The following USP32 variants were observed in gnomAD, a reference collection of about 807,000 sequenced individuals.
USP32 encodes the protein ubiquitin carboxyl-terminal hydrolase 32.
In USP32, 59 loss-of-function variants were observed where a neutral mutation model predicts 204.8. The observed-to-expected ratio is 0.29, with a 90% CI of 0.23 to 0.36. USP32 has a LOEUF of 0.36. USP32 is among the 10% of genes least tolerant of loss of function. USP32 has a pLI of 1.00. For synonymous variants in USP32, 517 were observed against 678.4 expected (o/e 0.76, Z 3.70); for missense variants, 1,160 against 1,946.4 (o/e 0.60, Z 7.60).
intron 2 of USP32, among the ~76,000 whole-genome samples, chr17:60,327,949 C>CAAG (rs1212288275): frequency 6.6e-6 from 1 of 152,246 alleles, no homozygotes; most frequent in Non-Finnish European, 1.5e-5. Context: ...ATGGGGGAAT[C>CAAG]AAGGGGAGAT....
In USP32 at chr17:60,344,458, T is replaced by A. The variant is rs542583155; in HGVS notation, c.186+1023A>T. ...TTTTATTATCTTATAAAATTTATTCTTTTTTTCTTTTGAGACAGGGTCTCA... is the reference window on the plus strand; with the variant it reads ...TTTTATTATCTTATAAAATTTATTCATTTTTTCTTTTGAGACAGGGTCTCA... On this transcript the variant is annotated intron_variant, in intron 2 of 33. Coordinates refer to ENST00000300896, the MANE Select transcript of USP32 (RefSeq NM_032582.4). Among the ~76,000 whole-genome samples the A allele has an allele frequency of 2.0e-5, 3 of 152,208 alleles. No individual in the cohort carries two copies. In the East Asian group the frequency reaches 5.8e-4, roughly 29 times the overall value.
chr17:60,201,336 T>G (rs1287188391), intron 26 of USP32, among the ~76,000 whole-genome samples: 1 of 152,328 alleles, frequency 6.6e-6, no homozygotes, highest in South Asian at 2.1e-4. Context: ...ATTTTGGGGC[T>G]ACTATAGATA....
chr17:60,195,484 C>T (rs769214208), intron 27 of USP32, among the ~76,000 whole-genome samples: 1 of 152,124 alleles, frequency 6.6e-6, no homozygotes, highest in Non-Finnish European at 1.5e-5. Flanking sequence ...ATTACAGGCA[C>T]GTACCACCAT....
At chr17:60,366,797 A>G (rs2089324102) in intron 1 of USP32, among the ~76,000 whole-genome samples, 1 of 151,624 alleles carries the variant, frequency 6.6e-6, no homozygotes, top group South Asian at 2.1e-4. Flanking sequence ...ACACGCTATT[A>G]CTAAAGTATA....
At chr17:60,416,127 T>A (rs1319701800) in intron 1 of USP32, among the ~76,000 whole-genome samples, 1 of 152,108 alleles carries the variant, frequency 6.6e-6, no homozygotes, top group African/African-American at 2.4e-5. Context: ...TGTGACCCAC[T>A]GCGCCTGGCT....
intron 2 of USP32, among the ~76,000 whole-genome samples, chr17:60,334,595 G>A (rs897971564): frequency 1.4e-5 from 2 of 146,292 alleles, no homozygotes; most frequent in Non-Finnish European, 2.9e-5. Context: ...GGGAGGCTGA[G>A]GCAGGAGAAT....
intron 1 of USP32, among the ~76,000 whole-genome samples, chr17:60,368,992 T>C (rs1484851960): frequency 9.6e-6 from 1 of 104,506 alleles, no homozygotes; most frequent in Non-Finnish European, 1.7e-5. Context: ...TTTTAAAAGA[T>C]TTTTTTTTTT....
In USP32 at chr17:60,177,976, C is replaced by T. The variant is rs1447519693; in HGVS notation, c.*1279G>A. 6.6e-6 allele frequency among the ~76,000 whole-genome samples: 1 copy of T among 151,824 alleles called. No individual in the cohort carries two copies. Among genetic ancestry groups the T allele is most frequent in the Non-Finnish European group, 1.5e-5 (1 of 67,978 alleles). ...ATTAAAAAACTACACGAAAAAAATGCTACCTGAAATAAATAATATTTATAC... is the reference window on the plus strand; with the variant it reads ...ATTAAAAAACTACACGAAAAAAATGTTACCTGAAATAAATAATATTTATAC... On this transcript the variant is annotated 3_prime_UTR_variant, in exon 34 of 34. Transcript: ENST00000300896.
intron 14 of USP32, among the ~76,000 whole-genome samples, chr17:60,222,812 T>G (rs6503950): frequency 0.22 from 33,302 of 150,818 alleles, 9,209 homozygotes; most frequent in African/African-American, 0.65. Flanking sequence ...CTCCCGAGTA[T>G]CTGGGATTAC....
chr17:60,256,394 G>A (rs141145808), intron 9 of USP32, among the ~76,000 whole-genome samples: 1 of 152,092 alleles, frequency 6.6e-6, no homozygotes, highest in East Asian at 1.9e-4. Flanking sequence ...AAATTGTCCT[G>A]TTCACTTACA....
intron 31 of USP32, among the ~76,000 whole-genome samples, chr17:60,182,931 T>A (rs983164532): frequency 6.6e-6 from 1 of 152,214 alleles, no homozygotes; most frequent in Non-Finnish European, 1.5e-5. Context: ...TTACTCTCCA[T>A]GTGTCACTCT....
intron 1 of USP32, among the ~76,000 whole-genome samples, chr17:60,388,982 C>A (rs978609224): frequency 2.0e-5 from 3 of 152,062 alleles, no homozygotes; most frequent in African/African-American, 7.2e-5. Flanking sequence ...GTAATATATG[C>A]CTATTTTTTT....
At chr17:60,203,060 C>G (rs2084720071) in intron 26 of USP32, among the ~76,000 whole-genome samples, 1 of 148,162 alleles carries the variant, frequency 6.7e-6, no homozygotes, top group Non-Finnish European at 1.5e-5. Flanking sequence ...GGAGGAAGCC[C>G]CCACCCTACA....
At chr17:60,184,479 A>G (rs2084196935) in intron 30 of USP32, among the ~76,000 whole-genome samples, 1 of 152,254 alleles carries the variant, frequency 6.6e-6, no homozygotes, top group Admixed American at 6.5e-5. Flanking sequence ...ACCTACATTC[A>G]GCTTCACAGA....
Position 60,222,432 on chromosome 17 carries a change from C to T in USP32, c.1726G>A (p.Ala576Thr), listed in dbSNP as rs533633776. 6.8e-6 allele frequency: 11 copies of T among 1,614,062 alleles called. No individual in the cohort carries two copies. In the South Asian group the frequency reaches 9.9e-5, roughly 14 times the overall value. Reference protein sequence around the residue: ...VWRALYHWYGANLALPRPVIK... With the variant: ...VWRALYHWYGTNLALPRPVIK... ...ACTGGTCTAGGTAAGGCCAGGTTTG[C>T]TCCATACCAGTGATAAAGTGCTCTC... The change falls in exon 15 of 34, where the codon GCA becomes ACA. Residue 576 changes from alanine (A) to threonine (T), a missense_variant. Physicochemically the swap from Ala to Thr is moderately conservative, Grantham distance 58. Around this residue, in one of 8 missense-constraint regions of USP32, gnomAD observed 37 missense variants for 62.6 expected, o/e 0.59. Coordinates refer to ENST00000300896, the MANE Select transcript of USP32 (RefSeq NM_032582.4).
intron 16 of USP32, among the ~76,000 whole-genome samples, chr17:60,216,296 A>G (rs1191359514): frequency 6.6e-6 from 1 of 151,644 alleles, no homozygotes; most frequent in Non-Finnish European, 1.5e-5. Flanking sequence ...GGTGGCAAAA[A>G]AAAAAAAAAA....
chr17:60,182,158 C>T (rs2084127962), intron 31 of USP32, among the ~76,000 whole-genome samples: 1 of 152,216 alleles, frequency 6.6e-6, no homozygotes. Context: ...GAATTTGTTG[C>T]TGTCCATTGT....
At chr17:60,199,104 A>C (rs2084604619) in intron 26 of USP32, among the ~76,000 whole-genome samples, 1 of 150,952 alleles carries the variant, frequency 6.6e-6, no homozygotes, top group African/African-American at 2.4e-5. Flanking sequence ...AGGTAGAGTG[A>C]GACCTGTCTC....
intron 30 of USP32, among the ~76,000 whole-genome samples, chr17:60,185,188 C>T (rs899060163): frequency 6.6e-6 from 1 of 152,210 alleles, no homozygotes; most frequent in Non-Finnish European, 1.5e-5. Context: ...CCACGTTGTA[C>T]CCCTTGTGGC....
Sources: allele counts gnomAD v4.1 joint callset (sites outside exome capture counted in the v4.1 genomes callset), GRCh38; gene constraint gnomAD v4.1.1; regional missense constraint gnomAD v4.1.1; transcripts MANE v1.5; gene names NCBI Gene and HGNC (gene_info 2026-07-23, HGNC 2026-07-21).